The following PVT1 variants were observed in gnomAD, a reference collection of about 807,000 sequenced individuals.
PVT1 encodes CXCR4/PVT1 fusion.
rs1296625392 is a variant in PVT1, at chr8:127,942,211, T to TG, written n.783-46949dup. On this transcript the variant is annotated intron_variant and non_coding_transcript_variant, in intron 3 of 10. Coordinates refer to ENST00000651587, the Ensembl canonical transcript of PVT1. ...AAGTGTCATCCCCACTGTGTGAATG[T>TG]GGAAGGGATAATGAAGAATTTCCAC... is the stretch of plus-strand genomic sequence containing the variant. Among the ~76,000 whole-genome samples, 3 of 152,278 alleles carry TG rather than the reference T, an allele frequency of 2.0e-5. No individual in the cohort carries two copies. In the East Asian group the frequency reaches 5.8e-4, roughly 29 times the overall value.
At chr8:128,027,152 TGAG>T (rs1334172301) in intron 4 of PVT1, among the ~76,000 whole-genome samples, 1 of 152,150 alleles carries the variant, frequency 6.6e-6, no homozygotes, top group East Asian at 1.9e-4. Context: ...GGCTTGAAGT[TGAG>T]GAAAAAGCCA....
intron 4 of PVT1, among the ~76,000 whole-genome samples, chr8:128,021,455 G>A (rs992805897): frequency 2.0e-4 from 30 of 151,954 alleles, no homozygotes; most frequent in African/African-American, 6.8e-4. Flanking sequence ...CACCATGCCC[G>A]GTTAATTTTT....
At chr8:127,929,250 G>T (rs1021333457) in intron 3 of PVT1, among the ~76,000 whole-genome samples, 12 of 147,280 alleles carry the variant, frequency 8.1e-5, no homozygotes, top group African/African-American at 3.0e-4. Context: ...AGCAAATGAT[G>T]CCAGGATCTA....
intron 4 of PVT1, chr8:128,049,057 A>T: frequency 2.1e-6 from 1 of 470,146 alleles, no homozygotes; most frequent in Non-Finnish European, 4.2e-6. Context: ...CTGGCTTGGT[A>T]ATATTACCCA....
chr8:127,863,166 C>T (rs1815247914), intron 2 of PVT1, among the ~76,000 whole-genome samples: 1 of 151,948 alleles, frequency 6.6e-6, no homozygotes, highest in East Asian at 1.9e-4. Context: ...GGCTGGAGTG[C>T]AGTGGCATGA....
At chr8:128,055,922 C>T (rs57204501) in intron 4 of PVT1, among the ~76,000 whole-genome samples, 8,698 of 152,252 alleles carry the variant, frequency 0.057, 279 homozygotes, top group South Asian at 0.14. Context: ...AGACTCAAGA[C>T]AGGGAAACCA....
At chr8:127,860,263 G>A (rs938665182) in intron 2 of PVT1, among the ~76,000 whole-genome samples, 1 of 152,224 alleles carries the variant, frequency 6.6e-6, no homozygotes, top group Non-Finnish European at 1.5e-5. Flanking sequence ...GCACTGGGGT[G>A]CGGTGTGGGA....
At chr8:128,037,840 G>A (rs552882134) in intron 4 of PVT1, among the ~76,000 whole-genome samples, 1 of 152,342 alleles carries the variant, frequency 6.6e-6, no homozygotes, top group East Asian at 1.9e-4. Context: ...AGGTGAGGGT[G>A]CAAAGTCACC....
At chr8:128,099,925 C>T (rs138376933) in intron 6 of PVT1, 16 of 152,102 alleles carry the variant, frequency 1.1e-4, no homozygotes, top group Admixed American at 5.2e-4. Flanking sequence ...TTAGCATCTT[C>T]AGTTACGTTA....
intron 3 of PVT1, among the ~76,000 whole-genome samples, chr8:127,938,126 A>G (rs906567482): frequency 3.9e-5 from 6 of 152,162 alleles, no homozygotes; most frequent in Non-Finnish European, 7.4e-5. Flanking sequence ...CTGGAGAATG[A>G]TACTGTTTTT....
intron 2 of PVT1, among the ~76,000 whole-genome samples, chr8:127,833,391 G>T (rs146649420): frequency 7.1e-4 from 108 of 152,196 alleles, no homozygotes; most frequent in African/African-American, 2.3e-3. Flanking sequence ...TCTTGGCCTC[G>T]CCCGGTCCTA....
At chr8:127,857,371 C>T (rs938920721) in intron 2 of PVT1, among the ~76,000 whole-genome samples, 5 of 151,960 alleles carry the variant, frequency 3.3e-5, no homozygotes, top group African/African-American at 1.2e-4. Context: ...CCCCCAGGGA[C>T]TCTCAACAGT....
intron 3 of PVT1, among the ~76,000 whole-genome samples, chr8:127,964,512 G>T (rs150365866): frequency 1.3e-5 from 2 of 152,298 alleles, no homozygotes; most frequent in East Asian, 3.9e-4. Context: ...TTTTGTGGCT[G>T]CAGTAACAAA....
chr8:127,933,530 G>A (rs138670797), intron 3 of PVT1, among the ~76,000 whole-genome samples: 239 of 152,310 alleles, frequency 1.6e-3, no homozygotes, highest in African/African-American at 5.1e-3. Flanking sequence ...GCACACCATC[G>A]TAAAGTGGAG....
At chr8:128,071,414 G>A (rs1292052431) in intron 5 of PVT1, among the ~76,000 whole-genome samples, 3 of 152,250 alleles carry the variant, frequency 2.0e-5, no homozygotes, top group Middle Eastern at 3.4e-3. Flanking sequence ...GTGTGCAGCA[G>A]GTCATGCCTG....
intron 2 of PVT1, among the ~76,000 whole-genome samples, chr8:127,850,267 A>G (rs1366733667): frequency 6.6e-6 from 1 of 152,180 alleles, no homozygotes; most frequent in African/African-American, 2.4e-5. Context: ...GGTCTGGTTT[A>G]CAACATAGGT....
intron 4 of PVT1, among the ~76,000 whole-genome samples, chr8:128,013,099 C>A (rs1817333793): frequency 6.6e-6 from 1 of 152,150 alleles, no homozygotes; most frequent in Non-Finnish European, 1.5e-5. Context: ...GATTTGAGGT[C>A]ATAGTCTATG....
intron 2 of PVT1, among the ~76,000 whole-genome samples, chr8:127,866,775 A>G (rs981179837): frequency 6.6e-6 from 1 of 152,140 alleles, no homozygotes; most frequent in Admixed American, 6.5e-5. Context: ...GTGCATTCAT[A>G]TTAGTACACA....
chr8:127,797,586 T>C (rs1451283913), intron 2 of PVT1, among the ~76,000 whole-genome samples: 1 of 152,180 alleles, frequency 6.6e-6, no homozygotes, highest in East Asian at 1.9e-4. Context: ...GCCCCCTTTG[T>C]CTCTTCTGTT....
Sources: gnomAD v4.1 joint callset for allele counts (sites outside exome capture counted in the v4.1 genomes callset) on GRCh38, gnomAD v4.1.1 for gene constraint, MANE v1.5 for transcripts, NCBI Gene and HGNC (gene_info 2026-07-23, HGNC 2026-07-21) for gene names.